The following SCNN1A variants were observed in gnomAD, a reference collection of about 807,000 sequenced individuals.
SCNN1A encodes the protein epithelial sodium channel subunit alpha.
A neutral mutation model predicts 68.6 loss-of-function variants in SCNN1A; 65 were observed. The observed-to-expected ratio is 0.95, with a 90% CI of 0.78 to 1.16. The LOEUF (loss-of-function observed/expected upper bound fraction) is 1.16. Ranked by LOEUF, SCNN1A falls within the 50% of genes most tolerant of loss-of-function variation. The pLI, the probability that SCNN1A is intolerant of heterozygous loss-of-function variation, is 0.00. For missense variants in SCNN1A, 880 were observed against 865.9 expected, an observed-to-expected ratio of 1.02 and a Z score of -0.20; for synonymous variants, 357 against 353.3, an observed-to-expected ratio of 1.01 and a Z score of -0.12.
intron 4 of SCNN1A, among the ~76,000 whole-genome samples, chr12:6,359,142 G>A (rs1164275867): frequency 1.3e-5 from 2 of 152,024 alleles, no homozygotes; most frequent in Non-Finnish European, 2.9e-5. Flanking sequence ...TCTTTTTGGG[G>A]TAAGGAAAAT....
Position 6,374,662 on chromosome 12 carries a change from G to A in SCNN1A, c.122C>T (p.Pro41Leu), listed in dbSNP as rs1948864499. ...LGPEPAAPQQ[P>L]TAEEEALIEF... ...GATCAGGGCCTCCTCCTCCGCCGTG[G>A]GCTGCTGGGGCGCCGCAGGTTCGGG... is the stretch of plus-strand genomic sequence containing the variant. The change falls in exon 2 of 13, where the codon CCC becomes CTC. Residue 41 changes from proline (P) to leucine (L), a missense_variant. This residue lies in a region of SCNN1A where 77 missense variants were observed against 67.4 expected (regional missense o/e 1.14). Transcript: ENST00000228916. This position sits in a 1 kb window ranked among gnomAD's most constrained non-coding sequence, Gnocchi z 6.2. The A allele has an allele frequency of 6.2e-7, 1 of 1,613,654 alleles. No individual in the cohort carries two copies. Among genetic ancestry groups the A allele is most frequent in the Admixed American group, 1.7e-5 (1 of 59,992 alleles).
Position 6,355,252 on chromosome 12 carries a change from C to A in SCNN1A, c.1143+20G>T. On this transcript the variant is annotated intron_variant, in intron 6 of 12. Coordinates refer to ENST00000228916, the MANE Select transcript of SCNN1A (RefSeq NM_001038.6). The stretch of plus-strand genomic sequence containing the variant: ...GCAATCTGAGGCGCTCCTTCCAGGC[C>A]TCCCAGTCAGCATCCTTGCCTTCCT... 2 of 1,609,022 alleles carry A rather than the reference C, an allele frequency of 1.2e-6. No homozygotes were observed. Among genetic ancestry groups the A allele is most frequent in the Non-Finnish European group, 1.7e-6 (2 of 1,177,600 alleles).
At position 6,371,790 on chromosome 12, in the gene SCNN1A, A is replaced by G. The variant is rs535047102; in HGVS notation, c.416+2578T>C. ...TAAAAAGTCTGGCCCATAAATATATACAAACATTATTATTGTTTTTTTTTC... is the reference window on the plus strand; with the variant it reads ...TAAAAAGTCTGGCCCATAAATATATGCAAACATTATTATTGTTTTTTTTTC... On this transcript the variant is annotated intron_variant, in intron 2 of 12. Coordinates refer to ENST00000228916, the MANE Select transcript of SCNN1A (RefSeq NM_001038.6). Among the ~76,000 whole-genome samples the G allele has an allele frequency of 1.4e-4, 22 of 152,224 alleles. No homozygotes were observed. In the East Asian group the frequency reaches 4.1e-3, roughly 28 times the overall value.
chr12:6,355,365 C>T lies in SCNN1A; in HGVS notation c.1050G>A (p.Arg350=). 1 of 1,614,006 alleles carries T rather than the reference C, an allele frequency of 6.2e-7. No individual in the cohort carries two copies. The highest frequency in any genetic ancestry group is 1.7e-5 in the Admixed American group (1 of 59,998). Residue 350 remains arginine, a synonymous_variant, in exon 6 of 13, where the codon CGG becomes CGA. Transcript: ENST00000228916. ...IPLLSTVTGA[R]VMVHGQDEPA... ...GTTCATCCTGCCCGTGCACCATTAC[C>T]CGGGCCCCAGTCACTGTGGACAGCA... is the stretch of plus-strand genomic sequence containing the variant.
At chr12:6,369,226 A>G (rs1948734308) in intron 2 of SCNN1A, among the ~76,000 whole-genome samples, 1 of 146,370 alleles carries the variant, frequency 6.8e-6, no homozygotes, top group Non-Finnish European at 1.5e-5. Context: ...GGGAGCCCCC[A>G]TGCCATCTCT....
rs890006392 is a variant in SCNN1A, at chr12:6,354,333, G to A, written c.1360+105C>T. ...GAGCAAGGAAGGATTCATCCCAGCA[G>A]GTGGGAGCCAGAAGTCATCCCCACA... On this transcript the variant is annotated intron_variant, in intron 8 of 12. Coordinates refer to ENST00000228916, the MANE Select transcript of SCNN1A (RefSeq NM_001038.6). The A allele has an allele frequency of 9.5e-5, 74 of 780,082 alleles. No individual in the cohort carries two copies. The African/African-American group carries it at 1.3e-3, about 13-fold the overall frequency. 48.3% of individuals were successfully genotyped at this position (780,082 alleles called of 1,614,324 possible).
chr12:6,360,861 G>A lies in SCNN1A; in HGVS notation c.875+1190C>T, dbSNP rs72645106. Among the ~76,000 whole-genome samples the A allele has an allele frequency of 8.9e-3, 1,355 of 152,312 alleles. 10 individuals are homozygous for A. Among genetic ancestry groups the A allele is most frequent in the Non-Finnish European group, 0.014 (924 of 68,024 alleles). On this transcript the variant is annotated intron_variant, in intron 4 of 12. Transcript: ENST00000228916. ...GCTGCTTGCAAGGACATTATAACAG[G>A]GGTCCTCACAGAATGAATACCCGAG...
At chr12:6,369,706 C>T (rs1218978981) in intron 2 of SCNN1A, among the ~76,000 whole-genome samples, 5 of 151,862 alleles carry the variant, frequency 3.3e-5, no homozygotes, top group African/African-American at 4.8e-5. Flanking sequence ...TGGTGGTGGG[C>T]GCCTGTAGTC....
chr12:6,375,665 G>C, upstream of SCNN1A: 1 of 1,470,096 alleles, frequency 6.8e-7, no homozygotes, highest in Non-Finnish European at 9.0e-7. Flanking sequence ...GAGGGCTCCC[G>C]AGGGCAGGTG....
Position 6,353,484 on chromosome 12 carries a change from T to G in SCNN1A, c.1360+954A>C, listed in dbSNP as rs1163807673. ...GAGCAGGGAAGCTGTGGGCAGAGCA[T>G]GCACTGAAACCTTAGGAGCCATTGA... is the stretch of plus-strand genomic sequence containing the variant. On this transcript the variant is annotated intron_variant, in intron 8 of 12. Coordinates refer to ENST00000228916, the MANE Select transcript of SCNN1A (RefSeq NM_001038.6). Among the ~76,000 whole-genome samples, 10 of 152,170 alleles carry G rather than the reference T, an allele frequency of 6.6e-5. No individual in the cohort carries two copies. The East Asian group carries it at 1.7e-3, about 26-fold the overall frequency.
At chr12:6,352,036 C>T (rs186660766) in intron 8 of SCNN1A, among the ~76,000 whole-genome samples, 1 of 152,242 alleles carries the variant, frequency 6.6e-6, no homozygotes, top group Admixed American at 6.5e-5. Context: ...CAGGCATGAA[C>T]CACTGTGCCT....
At position 6,347,874 on chromosome 12, in the gene SCNN1A, C is replaced by T. The variant is rs758737621; in HGVS notation, c.2009G>A (p.Ter670=). Residue 670 remains the stop codon, a stop_retained_variant, in exon 13 of 13, where the codon TGA becomes TAA. Transcript: ENST00000228916. ...GTGTGAGAAACCTCTCCTTCCCTCT[C>T]AGGGCCCCCCCAGAGGACAGGTGGA... ...SSSTCPLGGP[*] is the part of the protein sequence containing the mutation. 2.5e-6 allele frequency: 4 copies of T among 1,601,376 alleles called. No homozygotes were observed. The highest frequency in any genetic ancestry group is 4.2e-4 in the Middle Eastern group (2 of 4,750).
At chr12:6,354,196 T>C (rs573850644) in intron 8 of SCNN1A, among the ~76,000 whole-genome samples, 2 of 151,252 alleles carry the variant, frequency 1.3e-5, no homozygotes, top group Non-Finnish European at 1.5e-5. Flanking sequence ...GCGCCACTGC[T>C]CTCCAGCCTG....
rs72645108 is a variant in SCNN1A at position 6,362,036 on chromosome 12, G to A, written c.875+15C>T. 6.8e-5 allele frequency: 109 copies of A among 1,613,736 alleles called. No individual in the cohort carries two copies. In the African/African-American group the frequency reaches 1.4e-3, roughly 20 times the overall value. On this transcript the variant is annotated intron_variant, in intron 4 of 12. Coordinates refer to ENST00000228916, the MANE Select transcript of SCNN1A (RefSeq NM_001038.6). ...GACCCCGCGGAGAGCAAGGAGCCAGGCAGGACTGACTCACGCCTGGTTGCA... is the reference window on the plus strand; with the variant it reads ...GACCCCGCGGAGAGCAAGGAGCCAGACAGGACTGACTCACGCCTGGTTGCA...
At chr12:6,363,354 G>C (rs1948613730) in intron 3 of SCNN1A, 89 bp downstream of exon 3, 2 of 1,197,810 alleles carry the variant, frequency 1.7e-6, no homozygotes, top group Non-Finnish European at 2.2e-6. Context: ...GGCTGCGCGG[G>C]CGGGTCAGGA....
At chr12:6,370,402 C>A (rs772697074) in intron 2 of SCNN1A, among the ~76,000 whole-genome samples, 2 of 152,154 alleles carry the variant, frequency 1.3e-5, no homozygotes, top group African/African-American at 2.4e-5. Flanking sequence ...CTTCCGTGTC[C>A]AGGACGGAGC....
chr12:6,363,859 C>T (rs1390485398), intron 2 of SCNN1A, 149 bp from the exon 3 acceptor site: 3 of 665,590 alleles, frequency 4.5e-6, no homozygotes, highest in Non-Finnish European at 7.1e-6. Context: ...CGCCTCCTGG[C>T]CGTCCGGCGG....
chr12:6,354,555 C>A lies in SCNN1A; in HGVS notation c.1243G>T (p.Val415Leu). The change falls in exon 8 of 13, where the codon GTG (valine) becomes TTG (leucine). Residue 415 changes from valine to leucine, a missense_variant and splice_region_variant. Physicochemically the swap from Val to Leu is conservative, Grantham distance 32. Around this residue, in one of 3 missense-constraint regions of SCNN1A, gnomAD observed 758 missense variants for 721.8 expected, o/e 1.05. Transcript: ENST00000228916. Reference sequence around the variant, plus strand: ...TCCTGGAAGCAGGAGTGAATACACACCTGGAAGGGAGGAGGGTGGAGAGGA... The same window carrying A: ...TCCTGGAAGCAGGAGTGAATACACAACTGGAAGGGAGGAGGGTGGAGAGGA... Reference protein sequence around the residue: ...NLYPSKYTQQVCIHSCFQESM... With the variant: ...NLYPSKYTQQLCIHSCFQESM... 6.2e-7 allele frequency: 1 copy of A among 1,609,100 alleles called. No homozygotes were observed. Among genetic ancestry groups the A allele is most frequent in the African/African-American group, 1.3e-5 (1 of 74,910 alleles).
At chr12:6,376,190 C>T (rs879615515), upstream of SCNN1A, 21 of 985,340 alleles carry the variant, frequency 2.1e-5, no homozygotes, top group East Asian at 5.7e-4. Context: ...GTGGGAGCAG[C>T]GCACTCAGGT....
Sources: allele counts gnomAD v4.1 joint callset (sites outside exome capture counted in the v4.1 genomes callset), GRCh38; gene constraint gnomAD v4.1.1; regional missense constraint gnomAD v4.1.1; non-coding constraint Gnocchi (gnomAD v3.1); transcripts MANE v1.5; gene names NCBI Gene and HGNC (gene_info 2026-07-23, HGNC 2026-07-21).